ROBO2: variants seen among roughly 807,000 people sequenced by gnomAD.
ROBO2 encodes roundabout guidance receptor 2.
ROBO2 carries 53 observed loss-of-function variants against 160.8 expected under a neutral mutation model. That is an observed-to-expected ratio of 0.33 (90% CI 0.26 to 0.41). The LOEUF (loss-of-function observed/expected upper bound fraction) is 0.41, where lower values mean the gene tolerates loss of function less well. Among genes scored for constraint, ROBO2 ranks in the 10% least tolerant of loss-of-function variants. The pLI, the probability that ROBO2 is intolerant of heterozygous loss-of-function variation, is 1.00. For missense variants in ROBO2, 1,577 were observed against 1,722.4 expected, an observed-to-expected ratio of 0.92 and a Z score of 1.49; for synonymous variants, 664 against 611.7, an observed-to-expected ratio of 1.09 and a Z score of -1.26.
intron 1 of ROBO2, among the ~76,000 whole-genome samples, chr3:75,935,225 A>G (rs1416165658): frequency 6.6e-6 from 1 of 152,216 alleles, no homozygotes; most frequent in Admixed American, 6.5e-5. Flanking sequence ...AGTAAAATTA[A>G]TTGAAGAAAT....
chr3:76,661,094 A>G (rs533936560), intron 2 of ROBO2, among the ~76,000 whole-genome samples: 1 of 152,222 alleles, frequency 6.6e-6, no homozygotes, highest in Non-Finnish European at 1.5e-5. Context: ...TTTTTAAACC[A>G]TAAAAACCAC....
intron 2 of ROBO2, among the ~76,000 whole-genome samples, chr3:76,127,671 A>G (rs1446959352): frequency 6.6e-6 from 1 of 151,940 alleles, no homozygotes; most frequent in Non-Finnish European, 1.5e-5. Flanking sequence ...TCTGTGAATT[A>G]TCTCATTTAT....
chr3:76,979,048 T>TC (rs1013193627), intron 2 of ROBO2, among the ~76,000 whole-genome samples: 1 of 151,880 alleles, frequency 6.6e-6, no homozygotes, highest in Non-Finnish European at 1.5e-5. Context: ...GCTGAAATGA[T>TC]CCCCCCATCT....
chr3:76,564,373 C>T (rs756922901), intron 2 of ROBO2, among the ~76,000 whole-genome samples: 11 of 151,252 alleles, frequency 7.3e-5, no homozygotes, highest in Admixed American at 1.3e-4. Flanking sequence ...AAATAAAGAG[C>T]TTCTTACTTG....
At chr3:76,629,221 C>G (rs149709816) in intron 2 of ROBO2, among the ~76,000 whole-genome samples, 1 of 152,138 alleles carries the variant, frequency 6.6e-6, no homozygotes, top group African/African-American at 2.4e-5. Flanking sequence ...CACCCAAAAT[C>G]CACACTGTTC....
At chr3:77,034,671 A>G (rs2063523166) in intron 2 of ROBO2, among the ~76,000 whole-genome samples, 1 of 151,952 alleles carries the variant, frequency 6.6e-6, no homozygotes, top group Non-Finnish European at 1.5e-5. Flanking sequence ...GTAAAAATCC[A>G]CGGGTATCTA....
rs1020464518 is a variant in ROBO2, at chr3:77,211,815, C to T, written c.388+113475C>T. On this transcript the variant is annotated intron_variant, in intron 2 of 25. Transcript: ENST00000461745. ...TATGGCTACCCAGTTTCCCCAGCAC[C>T]ATTTATTAAATAGGGAATCCTTTCC... Among the ~76,000 whole-genome samples, 29 of 152,286 alleles carry T rather than the reference C, an allele frequency of 1.9e-4. 1 individual carries two copies. The highest frequency in any genetic ancestry group is 6.3e-4 in the African/African-American group (26 of 41,542).
intron 2 of ROBO2, among the ~76,000 whole-genome samples, chr3:76,741,197 T>C (rs1259169050): frequency 6.6e-6 from 1 of 152,080 alleles, no homozygotes; most frequent in Admixed American, 6.6e-5. Flanking sequence ...ACACCTTGTT[T>C]ATCTACTGTT....
chr3:76,763,261 C>A (rs922112648), intron 2 of ROBO2, among the ~76,000 whole-genome samples: 2 of 151,666 alleles, frequency 1.3e-5, no homozygotes, highest in Non-Finnish European at 3.0e-5. Context: ...GCCAACTACC[C>A]ATTGCACCTA....
chr3:76,078,429 G>C lies in ROBO2; in HGVS notation c.109+140827G>C, dbSNP rs940145147. ...TCCCCAGGCTGGAGTGCAATAGCATGATCATAGTTCACTGCAGCCTTGACC... is the reference window on the plus strand; with the variant it reads ...TCCCCAGGCTGGAGTGCAATAGCATCATCATAGTTCACTGCAGCCTTGACC... On this transcript the variant is annotated intron_variant, in intron 2 of 26. Coordinates refer to the ROBO2 transcript ENST00000487694. 2.0e-4 allele frequency among the ~76,000 whole-genome samples: 31 copies of C among 152,200 alleles called. 1 individual carries two copies. The highest frequency in any genetic ancestry group is 8.3e-4 in the South Asian group (4 of 4,816).
intron 2 of ROBO2, among the ~76,000 whole-genome samples, chr3:76,257,078 C>T (rs918384833): frequency 4.6e-5 from 7 of 152,032 alleles, no homozygotes; most frequent in Non-Finnish European, 8.8e-5. Context: ...GGGATTACAA[C>T]TCATAACATT....
At chr3:76,983,738 C>G (rs1388146694) in intron 2 of ROBO2, among the ~76,000 whole-genome samples, 1 of 152,184 alleles carries the variant, frequency 6.6e-6, no homozygotes, top group Non-Finnish European at 1.5e-5. Flanking sequence ...TTGACTCACT[C>G]TGTCCAGATA....
At chr3:75,948,540 C>T (rs1948411654) in intron 2 of ROBO2, among the ~76,000 whole-genome samples, 1 of 152,064 alleles carries the variant, frequency 6.6e-6, no homozygotes, top group African/African-American at 2.4e-5. Context: ...CTTTAGCCTT[C>T]CGTGGTTTCT....
chr3:77,317,141 C>A, intron 2 of ROBO2: 1 of 1,102,706 alleles, frequency 9.1e-7, no homozygotes, highest in South Asian at 1.3e-5. Flanking sequence ...AGTCTCAAAA[C>A]GCATCTGGTA....
chr3:76,121,007 G>C (rs957649616), intron 2 of ROBO2, among the ~76,000 whole-genome samples: 1 of 152,136 alleles, frequency 6.6e-6, no homozygotes, highest in Non-Finnish European at 1.5e-5. Context: ...TAATTGAAGG[G>C]AGCATAACAG....
intron 2 of ROBO2, among the ~76,000 whole-genome samples, chr3:76,275,499 G>A (rs1430362909): frequency 6.6e-6 from 1 of 152,046 alleles, no homozygotes; most frequent in African/African-American, 2.4e-5. Context: ...AAGTAACTAT[G>A]ACTTTCACAG....
chr3:76,149,173 A>G (rs930205532), intron 2 of ROBO2, among the ~76,000 whole-genome samples: 2 of 152,096 alleles, frequency 1.3e-5, no homozygotes, highest in African/African-American at 4.8e-5. Flanking sequence ...CAACTGCTTT[A>G]AAATACAAGC....
chr3:76,529,702 A>T (rs2082124406), intron 2 of ROBO2, among the ~76,000 whole-genome samples: 1 of 152,146 alleles, frequency 6.6e-6, no homozygotes, highest in Non-Finnish European at 1.5e-5. Flanking sequence ...AAAAAACTTG[A>T]TCTTGATAAT....
At chr3:76,325,823 C>G (rs967367675) in intron 2 of ROBO2, among the ~76,000 whole-genome samples, 1 of 151,920 alleles carries the variant, frequency 6.6e-6, no homozygotes, top group African/African-American at 2.4e-5. Context: ...ATAAAACATA[C>G]CTGTTCCTTG....
Sources: gnomAD v4.1 joint callset for allele counts (sites outside exome capture counted in the v4.1 genomes callset) on GRCh38, gnomAD v4.1.1 for gene constraint, MANE v1.5 for transcripts, NCBI Gene and HGNC (gene_info 2026-07-23, HGNC 2026-07-21) for gene names.